Variants in ABHD12 observed in about 807,000 individuals in gnomAD.
ABHD12 encodes abhydrolase domain containing 12, lysophospholipase, also known as lysophosphatidylserine lipase ABHD12.
In ABHD12, 43 loss-of-function variants were observed where a neutral mutation model predicts 58.3. That is an observed-to-expected ratio of 0.74 (90% CI 0.58 to 0.95). ABHD12 has a LOEUF of 0.95. Ranked by LOEUF, ABHD12 falls within the 40% of genes least tolerant of loss-of-function variation. The pLI is 0.00. For missense variants in ABHD12, 539 were observed against 537.2 expected (o/e 1.00, Z -0.03); for synonymous variants, 219 against 211.2 (o/e 1.04, Z -0.32).
rs1369457283 is a variant in ABHD12, at chr20:25,294,777, G to A, written c.*196C>T. On this transcript the variant is annotated 3_prime_UTR_variant, in exon 13 of 13. Transcript: ENST00000376542. ...AATGTAGTTAGTGTTTTATTTCAGT[G>A]CAGTTAGCACATGGTATGGTTTATC... 4 of 680,134 alleles carry A rather than the reference G, an allele frequency of 5.9e-6. No individual in the cohort carries two copies. The East Asian group carries it at 1.1e-4, about 18-fold the overall frequency. The allele number at this position is 680,134 out of a possible 1,614,324, so 42.1% of individuals were successfully genotyped here. A position where few individuals can be genotyped will look rare whatever the true frequency, so the allele number is the denominator to read the frequency against.
intron 1 of ABHD12, among the ~76,000 whole-genome samples, chr20:25,361,783 G>A (rs1170027749): frequency 6.6e-6 from 1 of 151,800 alleles, no homozygotes; most frequent in East Asian, 1.9e-4. Flanking sequence ...GTGAAACCTC[G>A]TCTCTACTAA....
chr20:25,340,649 CCAAA>C (rs768192161), intron 1 of ABHD12, among the ~76,000 whole-genome samples: 4 of 152,186 alleles, frequency 2.6e-5, no homozygotes, highest in African/African-American at 4.8e-5. Flanking sequence ...TGGACAATTT[CCAAA>C]CAGTCTTAAA....
chr20:25,322,383 T>TATATATATATATATATA (rs1568727719), intron 3 of ABHD12, among the ~76,000 whole-genome samples: 22 of 31,554 alleles, frequency 7.0e-4, no homozygotes, highest in African/African-American at 3.3e-3. Flanking sequence ...ATATATATAT[T>TATATATATATATATATA]TTTTTTTTTT....
intron 1 of ABHD12, among the ~76,000 whole-genome samples, chr20:25,387,217 C>G (rs2090102717): frequency 6.6e-6 from 1 of 152,172 alleles, no homozygotes; most frequent in Non-Finnish European, 1.5e-5. Context: ...ACAAGTTACT[C>G]AGTGTCATCC....
intron 1 of ABHD12, among the ~76,000 whole-genome samples, chr20:25,371,103 G>C (rs1022771870): frequency 2.0e-5 from 3 of 152,150 alleles, no homozygotes; most frequent in Non-Finnish European, 4.4e-5. Flanking sequence ...GGGAGTCCAG[G>C]AAGAACGAGA....
chr20:25,375,939 G>T (rs1008076817), intron 1 of ABHD12, among the ~76,000 whole-genome samples: 3 of 152,034 alleles, frequency 2.0e-5, no homozygotes, highest in African/African-American at 7.3e-5. Flanking sequence ...TGGCTAACAC[G>T]GTGAAACCCC....
intron 2 of ABHD12, chr20:25,338,796 C>A: frequency 1.0e-6 from 1 of 995,268 alleles, no homozygotes; most frequent in Non-Finnish European, 1.2e-6. Flanking sequence ...TTTCCAAGGG[C>A]AGCTAGGCTC....
chr20:25,307,180 A>T (rs2088759949), intron 9 of ABHD12, among the ~76,000 whole-genome samples: 1 of 152,190 alleles, frequency 6.6e-6, no homozygotes, highest in African/African-American at 2.4e-5. Context: ...TGCCCTGCAA[A>T]TGGGGCTCCC....
intron 1 of ABHD12, among the ~76,000 whole-genome samples, chr20:25,369,682 G>A (rs966119580): frequency 6.6e-6 from 1 of 152,180 alleles, no homozygotes; most frequent in Admixed American, 6.5e-5. Context: ...CTGATGTTGT[G>A]TCCACAGGTT....
At position 25,300,758 on chromosome 20, in the gene ABHD12, C is replaced by A. The variant is rs564422216; in HGVS notation, c.*87G>T. 2.6e-5 allele frequency: 42 copies of A among 1,608,832 alleles called. No homozygotes were observed. The African/African-American group carries it at 5.5e-4, about 21-fold the overall frequency. On this transcript the variant is annotated 3_prime_UTR_variant, in exon 13 of 13. Coordinates refer to ENST00000339157, the MANE Select transcript of ABHD12 (RefSeq NM_001042472.3). ...GCTCCTGAGCATTGCAGGTGCCGGCCCCCCGGGGCTTCAGGATACCGGGCT... is the reference window on the plus strand; with the variant it reads ...GCTCCTGAGCATTGCAGGTGCCGGCACCCCGGGGCTTCAGGATACCGGGCT...
At chr20:25,322,381 A>ATATATATATATTTATATATTTTTTT in intron 3 of ABHD12, among the ~76,000 whole-genome samples, 1 of 59,284 alleles carries the variant, frequency 1.7e-5, no homozygotes, top group Non-Finnish European at 3.2e-5. Context: ...ATATATATAT[A>ATATATATATATTTATATATTTTTTT]TTTTTTTTTT....
At chr20:25,379,928 G>A (rs946717851) in intron 1 of ABHD12, among the ~76,000 whole-genome samples, 2 of 151,286 alleles carry the variant, frequency 1.3e-5, no homozygotes, top group Non-Finnish European at 2.9e-5. Flanking sequence ...GGGCTCAAGT[G>A]ATCCTCCTTC....
Position 25,362,677 on chromosome 20 carries a change from T to G in ABHD12, c.192-23326A>C, listed in dbSNP as rs2089767729. Among the ~76,000 whole-genome samples, 5 of 151,590 alleles carry G rather than the reference T, an allele frequency of 3.3e-5. 1 individual carries two copies. The highest frequency in any genetic ancestry group is 3.3e-4 in the Admixed American group (5 of 15,240). ...TGAGAATTTTTACTTGTTTTTTTTT[T>G]TGTCGTTGTTTTTTGAGACGGAGTT... On this transcript the variant is annotated intron_variant, in intron 1 of 12. Transcript: ENST00000339157.
chr20:25,321,116 T>C (rs183838165), intron 3 of ABHD12, among the ~76,000 whole-genome samples: 1 of 152,328 alleles, frequency 6.6e-6, no homozygotes, highest in East Asian at 1.9e-4. Context: ...TTCTAACGTC[T>C]CTCTCTGATC....
chr20:25,385,331 C>CAAAAAAA (rs11477490), intron 1 of ABHD12, among the ~76,000 whole-genome samples: 4 of 51,716 alleles, frequency 7.7e-5, no homozygotes, highest in African/African-American at 2.3e-4. Flanking sequence ...GAGTGAGACT[C>CAAAAAAA]AAAAAAAAAA....
rs1392092384 is a variant in ABHD12 at position 25,390,499 on chromosome 20, GC to G, written c.191+13del. The G allele has an allele frequency of 2.3e-6, 2 of 886,100 alleles. No homozygotes were observed. The highest frequency in any genetic ancestry group is 2.9e-6 in the Non-Finnish European group (2 of 683,012). 54.9% of individuals were successfully genotyped at this position (886,100 alleles called of 1,614,324 possible). On this transcript the variant is annotated intron_variant, in intron 1 of 12. Transcript: ENST00000339157. The stretch of plus-strand genomic sequence containing the variant: ...CCGGCCCCCCCCCCCCCCCCGCTCC[GC>G]GCGAAGCCTCACCTGCCCAGCGCCC...
intron 2 of ABHD12, among the ~76,000 whole-genome samples, chr20:25,328,489 A>G (rs2089213749): frequency 6.6e-6 from 1 of 152,234 alleles, no homozygotes; most frequent in Admixed American, 6.5e-5. Context: ...AGTGGGCACC[A>G]CTGAGGGCCG....
At chr20:25,339,097 A>C in intron 2 of ABHD12, 130 bp downstream of exon 2, 2 of 1,468,334 alleles carry the variant, frequency 1.4e-6, no homozygotes, top group South Asian at 1.2e-5. Flanking sequence ...CTGTACACTT[A>C]AGATATGTAC....
At chr20:25,323,254 G>A in intron 3 of ABHD12, 71 bp downstream of exon 3, 1 of 941,756 alleles carries the variant, frequency 1.1e-6, no homozygotes, top group Non-Finnish European at 1.8e-6. Flanking sequence ...CAATGTCAAA[G>A]ACAGCACCAG....
Sources: gnomAD v4.1 joint callset for allele counts (sites outside exome capture counted in the v4.1 genomes callset) on GRCh38, gnomAD v4.1.1 for gene constraint, MANE v1.5 for transcripts, NCBI Gene and HGNC (gene_info 2026-07-23, HGNC 2026-07-21) for gene names.